Variants in PBLD observed in about 807,000 individuals in gnomAD.
PBLD encodes phenazine biosynthesis like protein domain containing, also known as phenazine biosynthesis-like domain-containing protein.
PBLD carries 26 observed loss-of-function variants against 31.3 expected under a neutral mutation model. That is an observed-to-expected ratio of 0.83 (90% CI 0.61 to 1.15). The LOEUF is 1.15. PBLD is among the 50% of genes most tolerant of loss of function. The probability of loss-of-function intolerance (pLI) is 0.00; values close to 1 mark genes in which losing one functional copy is unlikely to be tolerated. For missense variants in PBLD, 307 were observed against 351.7 expected, an observed-to-expected ratio of 0.87 and a Z score of 1.02; for synonymous variants, 114 against 129.0, an observed-to-expected ratio of 0.88 and a Z score of 0.79.
intron 4 of PBLD, among the ~76,000 whole-genome samples, chr10:68,294,708 C>T (rs2044401735): frequency 6.6e-6 from 1 of 152,102 alleles, no homozygotes. Context: ...TCAATTTCTC[C>T]CTCTATTCAA....
At chr10:68,302,288 A>G (rs998701044) in intron 2 of PBLD, among the ~76,000 whole-genome samples, 1 of 152,180 alleles carries the variant, frequency 6.6e-6, no homozygotes, top group Admixed American at 6.5e-5. Context: ...TGCCTTTCTG[A>G]ATTCCAGTGT....
chr10:68,303,351 G>T (rs1009572354), intron 2 of PBLD, among the ~76,000 whole-genome samples: 5 of 151,846 alleles, frequency 3.3e-5, no homozygotes, highest in Non-Finnish European at 5.9e-5. Flanking sequence ...CTCCCAAAGT[G>T]CTGGGATTAC....
chr10:68,325,010 C>A (rs940201537), intron 1 of PBLD, among the ~76,000 whole-genome samples: 3 of 151,694 alleles, frequency 2.0e-5, no homozygotes, highest in Admixed American at 6.6e-5. Context: ...CTTTGGGAGG[C>A]CGAGACAGGC....
intron 1 of PBLD, among the ~76,000 whole-genome samples, chr10:68,309,768 C>G (rs1243333800): frequency 6.9e-6 from 1 of 145,954 alleles, no homozygotes; most frequent in African/African-American, 2.6e-5. Context: ...GATCACGCCA[C>G]TGCTCTCCAG....
At chr10:68,285,282 A>G in intron 9 of PBLD, 66 bp downstream of exon 9, 1 of 1,613,714 alleles carries the variant, frequency 6.2e-7, no homozygotes, top group Non-Finnish European at 8.5e-7. Flanking sequence ...GGGATAGTAC[A>G]TATGAGAAGG....
chr10:68,326,686 AATTAAC>A (rs1468737256), intron 1 of PBLD, among the ~76,000 whole-genome samples: 2 of 152,228 alleles, frequency 1.3e-5, no homozygotes, highest in Non-Finnish European at 2.9e-5. Context: ...ATGGAACTAG[AATTAAC>A]ATTATTTCAA....
At chr10:68,313,800 T>A (rs1589666986) in intron 1 of PBLD, among the ~76,000 whole-genome samples, 1 of 152,186 alleles carries the variant, frequency 6.6e-6, no homozygotes. Flanking sequence ...TTTGCAGTGG[T>A]AAAACCTTTA....
intron 1 of PBLD, among the ~76,000 whole-genome samples, chr10:68,328,914 G>A (rs1225665158): frequency 6.6e-6 from 1 of 152,068 alleles, no homozygotes; most frequent in Non-Finnish European, 1.5e-5. Context: ...GTCTCGTTCT[G>A]TCACCCAGGC....
At chr10:68,286,874 T>TGGTGGCTCCACG (rs2044294872) in intron 8 of PBLD, among the ~76,000 whole-genome samples, 1 of 11,940 alleles carries the variant, frequency 8.4e-5, no homozygotes, top group Non-Finnish European at 4.4e-4. Flanking sequence ...GGGGTGGGCG[T>TGGTGGCTCCACG]CCCAGCACTT....
At chr10:68,315,448 G>A (rs1380068925) in intron 1 of PBLD, among the ~76,000 whole-genome samples, 3 of 151,922 alleles carry the variant, frequency 2.0e-5, no homozygotes, top group Admixed American at 1.3e-4. Context: ...AGCTGAGCAT[G>A]GTGGTGTGTG....
intron 6 of PBLD, among the ~76,000 whole-genome samples, chr10:68,289,967 A>T (rs1024297996): frequency 1.3e-5 from 2 of 152,156 alleles, no homozygotes; most frequent in Non-Finnish European, 2.9e-5. Flanking sequence ...GTGACAGATC[A>T]ATAACATAAC....
intron 1 of PBLD, among the ~76,000 whole-genome samples, chr10:68,322,419 G>A (rs2044848946): frequency 6.6e-6 from 1 of 151,838 alleles, no homozygotes; most frequent in Admixed American, 6.6e-5. Context: ...CTAGCACTTT[G>A]GGAGGCCGAG....
chr10:68,327,969 A>C (rs2044950343), intron 1 of PBLD, among the ~76,000 whole-genome samples: 1 of 152,192 alleles, frequency 6.6e-6, no homozygotes, highest in Non-Finnish European at 1.5e-5. Flanking sequence ...ATAATTATTA[A>C]GATTGAACAG....
Position 68,285,411 on chromosome 10 carries a change from C to A in PBLD, c.692-1G>T, listed in dbSNP as rs774843931. 2.5e-6 allele frequency: 4 copies of A among 1,593,532 alleles called. No homozygotes were observed. In the South Asian group the frequency reaches 4.6e-5, roughly 18 times the overall value. ...CTGCTGAGAACAGCGTGTGCAGACC[C>A]TCAAAAGAAGTGAAAAGTTAGGAGA... On this transcript the variant is annotated splice_acceptor_variant, in intron 8 of 9. Transcript: ENST00000358769. LOFTEE classifies it high-confidence loss of function.
chr10:68,295,512 G>A (rs901816010), intron 4 of PBLD, among the ~76,000 whole-genome samples: 2 of 148,522 alleles, frequency 1.3e-5, no homozygotes, highest in African/African-American at 5.0e-5. Flanking sequence ...AAAAAAAAAT[G>A]TTTATTGAAG....
intron 1 of PBLD, among the ~76,000 whole-genome samples, chr10:68,315,862 G>A (rs936714146): frequency 1.3e-5 from 2 of 152,158 alleles, no homozygotes; most frequent in South Asian, 2.1e-4. Flanking sequence ...CTCCAGGAAC[G>A]TAAGAAAATC....
chr10:68,308,974 A>G (rs2044622697), intron 1 of PBLD, among the ~76,000 whole-genome samples: 1 of 149,724 alleles, frequency 6.7e-6, no homozygotes, highest in South Asian at 2.1e-4. Flanking sequence ...TCCTTGTCCA[A>G]ATAGCTTAGT....
chr10:68,303,127 G>C lies in PBLD; in HGVS notation c.84+3634C>G, dbSNP rs191699528. Among the ~76,000 whole-genome samples, 784 of 152,074 alleles carry C rather than the reference G, an allele frequency of 5.2e-3. 4 individuals carry two copies. Among genetic ancestry groups the C allele is most frequent in the Non-Finnish European group, 7.0e-3 (477 of 67,988 alleles). On this transcript the variant is annotated intron_variant, in intron 2 of 9. Transcript: ENST00000358769. ...TTCACTCTGTCGCCCAGGCTGGAGT[G>C]CAGTGGTGCTCTCTGGGCTCACTAC...
intron 4 of PBLD, among the ~76,000 whole-genome samples, chr10:68,292,904 T>G (rs2044378333): frequency 6.6e-6 from 1 of 152,048 alleles, no homozygotes. Flanking sequence ...AGGAACTGTC[T>G]CACTCTGTTG....
Sources: allele counts gnomAD v4.1 joint callset (sites outside exome capture counted in the v4.1 genomes callset), GRCh38; gene constraint gnomAD v4.1.1; transcripts MANE v1.5; gene names NCBI Gene and HGNC (gene_info 2026-07-23, HGNC 2026-07-21).